Variants in TECPR2 observed in about 807,000 individuals in gnomAD.
The protein encoded by TECPR2 is tectonin beta-propeller repeat containing 2, also known as tectonin beta-propeller repeat-containing protein 2.
TECPR2 carries 65 observed loss-of-function variants against 138.1 expected under a neutral mutation model. The ratio of observed to expected loss-of-function variants is 0.47; its 90% CI spans 0.39 to 0.58. TECPR2 has a LOEUF of 0.58. TECPR2 is among the 20% of genes least tolerant of loss of function. TECPR2 has a pLI of 0.00. For synonymous variants in TECPR2, 746 were observed against 749.8 expected (o/e 0.99, Z 0.08); for missense variants, 1,553 against 1,824.5 (o/e 0.85, Z 2.71).
At chr14:102,493,661 G>A (rs1202360800) in intron 17 of TECPR2, among the ~76,000 whole-genome samples, 2 of 152,204 alleles carry the variant, frequency 1.3e-5, no homozygotes, top group African/African-American at 4.8e-5. Flanking sequence ...GCTCCAGGTG[G>A]TCCCTGGGGA....
intron 2 of TECPR2, among the ~76,000 whole-genome samples, chr14:102,384,119 G>A (rs922080509): frequency 2.0e-5 from 3 of 150,616 alleles, no homozygotes; most frequent in South Asian, 2.1e-4. Context: ...GGGTTTCTCC[G>A]TGTTGGCCAG....
chr14:102,395,382 T>C (rs1401238684), intron 2 of TECPR2, among the ~76,000 whole-genome samples: 2 of 152,242 alleles, frequency 1.3e-5, no homozygotes, highest in African/African-American at 4.8e-5. Context: ...TGTCGCCATA[T>C]ATCTTAGCAA....
In TECPR2 at chr14:102,376,887, A is replaced by C; in HGVS notation, c.166A>C (p.Met56Leu). The C allele has an allele frequency of 6.2e-7, 1 of 1,614,150 alleles. No individual in the cohort carries two copies. Among genetic ancestry groups the C allele is most frequent in the Non-Finnish European group, 8.5e-7 (1 of 1,180,032 alleles). Residue 56 changes from methionine to leucine, a missense_variant, in exon 2 of 20, where the codon ATG becomes CTG. Transcript: ENST00000359520. ...CATCGCGGTGGGCAGCAGCATCGGC[A>C]TGCTCTATCTGTACTGCCGGCACCT... is the stretch of plus-strand genomic sequence containing the variant. ...DYIAVGSSIGMLYLYCRHLNQ... is the reference protein window; with the variant it reads ...DYIAVGSSIGLLYLYCRHLNQ...
intron 2 of TECPR2, among the ~76,000 whole-genome samples, chr14:102,383,127 C>G (rs984494715): frequency 6.6e-6 from 1 of 152,168 alleles, no homozygotes; most frequent in Non-Finnish European, 1.5e-5. Flanking sequence ...GTTCAAGATA[C>G]AGAACATTTC....
At position 102,440,440 on chromosome 14, in the gene TECPR2, C is replaced by G. The variant is rs963230744; in HGVS notation, c.2583C>G (p.Ala861=). 4 of 1,614,020 alleles carry G rather than the reference C, an allele frequency of 2.5e-6. No homozygotes were observed. Among genetic ancestry groups the G allele is most frequent in the Middle Eastern group, 3.3e-4 (2 of 6,060 alleles). Residue 861 remains alanine, a synonymous_variant, in exon 11 of 20, where the codon GCC becomes GCG. Coordinates refer to ENST00000359520, the MANE Select transcript of TECPR2 (RefSeq NM_014844.5). ...VQQVAVSPSG[A]LLWKIEQKSN... ...ATAGAATTTTTATTTCCATAGGAGC[C>G]CTTCTCTGGAAGATTGAACAGAAAT...
At chr14:102,364,729 G>T (rs558719022) in intron 1 of TECPR2, among the ~76,000 whole-genome samples, 1 of 152,140 alleles carries the variant, frequency 6.6e-6, no homozygotes, top group East Asian at 1.9e-4. Context: ...ACTTAAGTTT[G>T]GGGAGAATTT....
At position 102,431,577 on chromosome 14, in the gene TECPR2, T is replaced by C. The variant is rs11626103; in HGVS notation, c.1085-219T>C. On this transcript the variant is annotated intron_variant, in intron 7 of 19. Coordinates refer to ENST00000359520, the MANE Select transcript of TECPR2 (RefSeq NM_014844.5). ...CAGGATGGTCTTGATCTCCTGACCT[T>C]GTGATCCGCCCGCCTTGGCCTCCCA... Among the ~76,000 whole-genome samples the C allele has an allele frequency of 0.074, 11,249 of 152,084 alleles. 522 individuals carry two copies. Among genetic ancestry groups the C allele is most frequent in the Non-Finnish European group, 0.11 (7,225 of 67,962 alleles).
intron 2 of TECPR2, among the ~76,000 whole-genome samples, chr14:102,401,804 C>CAAAAA (rs34413626): frequency 0.01 from 685 of 68,116 alleles, 42 homozygotes; most frequent in Middle Eastern, 0.032. Flanking sequence ...GACTCCGTCT[C>CAAAAA]AAAAAAAAAA....
At chr14:102,449,253 G>A (rs2139750716) in intron 13 of TECPR2, among the ~76,000 whole-genome samples, 1 of 152,330 alleles carries the variant, frequency 6.6e-6, no homozygotes, top group South Asian at 2.1e-4. Context: ...AGAAAAGATG[G>A]CAAAATTATT....
At chr14:102,399,190 A>G (rs552167744) in intron 2 of TECPR2, among the ~76,000 whole-genome samples, 3 of 152,212 alleles carry the variant, frequency 2.0e-5, no homozygotes, top group Non-Finnish European at 2.9e-5. Flanking sequence ...TGAATCTGGG[A>G]GGCAGAGGTT....
intron 17 of TECPR2, among the ~76,000 whole-genome samples, chr14:102,481,403 C>T (rs1364849509): frequency 6.6e-6 from 1 of 152,206 alleles, no homozygotes; most frequent in East Asian, 1.9e-4. Context: ...CCTGTCTTGG[C>T]CTCCCAAAGT....
chr14:102,395,640 A>G (rs1056407495), intron 2 of TECPR2, among the ~76,000 whole-genome samples: 4 of 152,162 alleles, frequency 2.6e-5, no homozygotes, highest in Non-Finnish European at 5.9e-5. Flanking sequence ...TCTACTAAAA[A>G]TACAAAAATT....
intron 10 of TECPR2, chr14:102,438,430 G>GT: frequency 1.9e-6 from 1 of 520,068 alleles, no homozygotes; most frequent in Non-Finnish European, 3.3e-6. Flanking sequence ...TGGGTGTTCA[G>GT]TTTGAGTTTT....
chr14:102,404,061 C>CTTT (rs759501601), intron 2 of TECPR2, among the ~76,000 whole-genome samples: 1 of 140,854 alleles, frequency 7.1e-6, no homozygotes, highest in East Asian at 2.1e-4. Context: ...CTATGCCCGG[C>CTTT]TTTTTTTTTT....
rs769140717 is a variant in TECPR2 at position 102,431,804 on chromosome 14, G to T, written c.1093G>T (p.Gly365Cys). Residue 365 changes from glycine to cysteine, a missense_variant, in exon 8 of 20, where the codon GGT (glycine) becomes TGT (cysteine). Coordinates refer to ENST00000359520, the MANE Select transcript of TECPR2 (RefSeq NM_014844.5). Reference protein sequence around the residue: ...PEGLTSTVRDGLEMSGCSERV... With the variant: ...PEGLTSTVRDCLEMSGCSERV... Reference sequence around the variant, plus strand: ...AGACTCTTCTTTCTTAGTGAGAGATGGTCTGGAGATGTCTGGATGCTCAGA... The same window carrying T: ...AGACTCTTCTTTCTTAGTGAGAGATTGTCTGGAGATGTCTGGATGCTCAGA... The T allele has an allele frequency of 6.4e-7, 1 of 1,563,508 alleles. No homozygotes were observed. Among genetic ancestry groups the T allele is most frequent in the East Asian group, 2.3e-5 (1 of 43,960 alleles).
At chr14:102,378,989 C>T (rs923757087) in intron 2 of TECPR2, among the ~76,000 whole-genome samples, 4 of 152,178 alleles carry the variant, frequency 2.6e-5, no homozygotes, top group Admixed American at 2.0e-4. Flanking sequence ...AGTAATAGCT[C>T]ATGGATTCGA....
chr14:102,463,692 G>A (rs1353855082), intron 16 of TECPR2, among the ~76,000 whole-genome samples: 2 of 152,074 alleles, frequency 1.3e-5, no homozygotes, highest in Non-Finnish European at 2.9e-5. Context: ...GGGAGGCTGA[G>A]GTGGGTGGAT....
In TECPR2 at chr14:102,425,063, G is replaced by A. The variant is rs1394884840; in HGVS notation, c.723G>A (p.Arg241=). ...TGTATGCGTCACGGCCCGGGCTCCG[G>A]CTATGGAAGGCTGATGTCCACGGGA... ...LTLYASRPGL[R]LWKADVHGTV... is the part of the protein sequence containing the mutation. The change falls in exon 6 of 20, where the codon CGG becomes CGA. Residue 241 remains arginine (R), a synonymous_variant. Coordinates refer to ENST00000359520, the MANE Select transcript of TECPR2 (RefSeq NM_014844.5). 4 of 1,614,108 alleles carry A rather than the reference G, an allele frequency of 2.5e-6. No individual in the cohort carries two copies. The East Asian group carries it at 8.9e-5, about 36-fold the overall frequency.
Position 102,432,298 on chromosome 14 carries a change from T to TACACACACACACACACACACAC in TECPR2, c.1417+173_1417+194dup, listed in dbSNP as rs10650505. On this transcript the variant is annotated intron_variant, in intron 8 of 19. Transcript: ENST00000359520. ...CAAAATACTTCACATTAACGGAAAA[T>TACACACACACACACACACACAC]ACACACACACACACACACACACACT... 6.4e-3 allele frequency among the ~76,000 whole-genome samples: 956 copies of TACACACACACACACACACACAC among 148,868 alleles called. 5 individuals are homozygous for TACACACACACACACACACACAC. Among genetic ancestry groups the TACACACACACACACACACACAC allele is most frequent in the Middle Eastern group, 0.021 (6 of 288 alleles).
Sources: gnomAD v4.1 joint callset for allele counts (sites outside exome capture counted in the v4.1 genomes callset) on GRCh38, gnomAD v4.1.1 for gene constraint, MANE v1.5 for transcripts, NCBI Gene and HGNC (gene_info 2026-07-23, HGNC 2026-07-21) for gene names.